Variants in ANK2 observed in about 807,000 individuals in gnomAD.
ANK2 encodes ankyrin-2.
A neutral mutation model predicts 360.5 loss-of-function variants in ANK2; 83 were observed. The observed-to-expected ratio is 0.23, with a 90% confidence interval of 0.19 to 0.28. The LOEUF (loss-of-function observed/expected upper bound fraction) is 0.28. Ranked by LOEUF, ANK2 falls within the 10% of genes least tolerant of loss-of-function variation. The probability of loss-of-function intolerance (pLI) is 1.00; values close to 1 mark genes in which losing one functional copy is unlikely to be tolerated. For synonymous variants in ANK2, 1,740 were observed against 1,759.5 expected (o/e 0.99, Z 0.28); for missense variants, 4,201 against 4,795.7 (o/e 0.88, Z 3.66).
At chr4:112,980,667 G>A (rs1413668640) in intron 2 of ANK2, 2 of 152,298 alleles carry the variant, frequency 1.3e-5, no homozygotes, top group East Asian at 3.9e-4. Context: ...TTGTTTAAGT[G>A]CTCTAGCAAA....
chr4:113,248,882 C>G (rs1490574288), intron 9 of ANK2, among the ~76,000 whole-genome samples: 2 of 152,132 alleles, frequency 1.3e-5, no homozygotes, highest in Non-Finnish European at 2.9e-5. Flanking sequence ...TAAATTTAAG[C>G]ACTCAGTATT....
Position 113,174,461 on chromosome 4 carries a change from C to T in ANK2, c.130C>T (p.Leu44=). The T allele has an allele frequency of 1.2e-6, 2 of 1,613,296 alleles. No individual in the cohort carries two copies. The highest frequency in any genetic ancestry group is 1.7e-6 in the Non-Finnish European group (2 of 1,179,540). Residue 44 remains leucine (L), a synonymous_variant, in exon 2 of 46, where the codon CTG becomes TTG. Transcript: ENST00000357077. The part of the protein sequence containing the change: ...SFLRAARAGN[L]DKVVEYLKGG... ...CCTCCGTGCTGCCAGAGCAGGCAAC[C>T]TGGACAAAGTTGTGGAATATCTGAA...
the ANK2 span, among the ~76,000 whole-genome samples, chr4:112,753,432 A>G: frequency 6.6e-6 from 1 of 152,226 alleles, no homozygotes; most frequent in South Asian, 2.1e-4. Context: ...CTACACACCC[A>G]GGCTACATGG....
chr4:113,225,105 G>A (rs1021618536), intron 4 of ANK2, among the ~76,000 whole-genome samples: 3 of 152,094 alleles, frequency 2.0e-5, no homozygotes, highest in African/African-American at 7.2e-5. Context: ...AGCAAGAAGA[G>A]AAAAGAACAA....
At chr4:112,828,570 AC>A (rs1296419091) in intron 1 of ANK2, among the ~76,000 whole-genome samples, 3 of 151,944 alleles carry the variant, frequency 2.0e-5, no homozygotes, top group African/African-American at 7.3e-5. Context: ...AAACTGTAAA[AC>A]CCCTAGCAGA....
chr4:112,774,769 C>T, the ANK2 span, among the ~76,000 whole-genome samples: 1 of 152,168 alleles, frequency 6.6e-6, no homozygotes, highest in Non-Finnish European at 1.5e-5. Context: ...AGTGTGAGAC[C>T]ACCACATCAT....
chr4:113,245,808 T>A lies in ANK2; in HGVS notation c.891+3599T>A, dbSNP rs532289024. On this transcript the variant is annotated intron_variant, in intron 9 of 45. Transcript: ENST00000357077. Reference sequence around the variant, plus strand: ...ATAATAAAGCTTCTACATATGAAAATTTTTTTTTTTTTGAGACGGAGTTTT... The same window carrying A: ...ATAATAAAGCTTCTACATATGAAAAATTTTTTTTTTTTGAGACGGAGTTTT... 1.9e-3 allele frequency among the ~76,000 whole-genome samples: 279 copies of A among 145,476 alleles called. 1 individual carries two copies. The highest frequency in any genetic ancestry group is 2.6e-3 in the Non-Finnish European group (175 of 66,208).
chr4:113,175,163 G>A (rs2098143252), intron 2 of ANK2, among the ~76,000 whole-genome samples: 2 of 152,104 alleles, frequency 1.3e-5, no homozygotes, highest in Admixed American at 1.3e-4. Flanking sequence ...ATGTTGTGTT[G>A]TGTGTTGTGT....
the ANK2 span, among the ~76,000 whole-genome samples, chr4:112,793,306 T>TA: frequency 6.6e-6 from 1 of 151,728 alleles, no homozygotes; most frequent in Non-Finnish European, 1.5e-5. Flanking sequence ...TTTGCACTAA[T>TA]AAAAAAAAGG....
chr4:113,337,025 T>C (rs184707590), intron 31 of ANK2, among the ~76,000 whole-genome samples: 84 of 152,308 alleles, frequency 5.5e-4, no homozygotes, highest in African/African-American at 1.9e-3. Context: ...ACAGTAACCC[T>C]GTGAGGAAAC....
intron 2 of ANK2, among the ~76,000 whole-genome samples, chr4:113,000,525 A>G (rs1170031266): frequency 6.6e-6 from 1 of 152,194 alleles, no homozygotes; most frequent in Non-Finnish European, 1.5e-5. Context: ...TTCATTGTCC[A>G]GTGTTTCCCC....
intron 26 of ANK2, 118 bp from the exon 27 acceptor site, chr4:113,330,128 G>A (rs879765269): frequency 6.4e-6 from 6 of 938,672 alleles, no homozygotes; most frequent in Non-Finnish European, 9.8e-6. Flanking sequence ...TTACCACCAT[G>A]CATTTAAATA....
At chr4:113,104,139 T>G (rs1449103224) in intron 1 of ANK2, among the ~76,000 whole-genome samples, 1 of 152,188 alleles carries the variant, frequency 6.6e-6, no homozygotes, top group African/African-American at 2.4e-5. Flanking sequence ...TAACTCCTAC[T>G]TAATGTTCCT....
At chr4:113,127,818 A>T (rs1265841500) in intron 1 of ANK2, among the ~76,000 whole-genome samples, 1 of 152,174 alleles carries the variant, frequency 6.6e-6, no homozygotes, top group Non-Finnish European at 1.5e-5. Flanking sequence ...CACCCAGAAG[A>T]CTGTTATGGT....
the ANK2 span, among the ~76,000 whole-genome samples, chr4:112,778,691 C>G: frequency 6.6e-6 from 1 of 152,178 alleles, no homozygotes; most frequent in Non-Finnish European, 1.5e-5. Context: ...CAATCGCTGA[C>G]AAGGGGCGCC....
chr4:113,062,953 C>G (rs887958920), intron 1 of ANK2, among the ~76,000 whole-genome samples: 2 of 151,994 alleles, frequency 1.3e-5, no homozygotes, highest in Admixed American at 1.3e-4. Context: ...TGTCTGTTGA[C>G]CTTAAAATGA....
At chr4:112,962,683 G>A (rs2035439949) in intron 2 of ANK2, among the ~76,000 whole-genome samples, 1 of 152,072 alleles carries the variant, frequency 6.6e-6, no homozygotes, top group Non-Finnish European at 1.5e-5. Context: ...TGTTCAATGG[G>A]AATTTATTAA....
intron 1 of ANK2, among the ~76,000 whole-genome samples, chr4:112,863,987 C>G (rs1055447388): frequency 1.3e-5 from 2 of 151,978 alleles, no homozygotes; most frequent in African/African-American, 2.4e-5. Flanking sequence ...AAAGATGATA[C>G]AGTCAGGAAT....
chr4:113,044,907 G>GA (rs958810803), upstream of ANK2, among the ~76,000 whole-genome samples: 5 of 150,144 alleles, frequency 3.3e-5, no homozygotes, highest in Middle Eastern at 3.4e-3. Context: ...TGTCCAAAAG[G>GA]AAAAAAAAAT....
Sources: allele counts gnomAD v4.1 joint callset (sites outside exome capture counted in the v4.1 genomes callset), GRCh38; gene constraint gnomAD v4.1.1; transcripts MANE v1.5; gene names NCBI Gene and HGNC (gene_info 2026-07-23, HGNC 2026-07-21).